The following NUP205 variants were observed in gnomAD, a reference collection of about 807,000 sequenced individuals.
NUP205 encodes nucleoporin 205, also known as nuclear pore complex protein Nup205.
In NUP205, 76 loss-of-function variants were observed where a neutral mutation model predicts 253.8. That is an observed-to-expected ratio of 0.30 (90% CI 0.25 to 0.36). The LOEUF (loss-of-function observed/expected upper bound fraction) is 0.36, where lower values mean the gene tolerates loss of function less well. Ranked by LOEUF, NUP205 falls within the 10% of genes least tolerant of loss-of-function variation. The pLI is 1.00. For missense variants in NUP205, 2,162 were observed against 2,425.5 expected (o/e 0.89, Z 2.28); for synonymous variants, 832 against 850.1 (o/e 0.98, Z 0.37).
intron 37 of NUP205, 69 bp from the exon 38 acceptor site, chr7:135,638,488 A>G (rs1794859578): frequency 1.4e-6 from 2 of 1,409,148 alleles, no homozygotes; most frequent in Non-Finnish European, 2.0e-6. Flanking sequence ...TCTTCTTCAA[A>G]TCTCGATTTT....
At chr7:135,567,311 A>G (rs994024449) in intron 1 of NUP205, among the ~76,000 whole-genome samples, 4 of 147,636 alleles carry the variant, frequency 2.7e-5, no homozygotes, top group African/African-American at 1.0e-4. Context: ...GGCTGGGTGC[A>G]GTGGCTCATG....
chr7:135,623,039 A>T, intron 31 of NUP205, 114 bp downstream of exon 31: 1 of 1,035,792 alleles, frequency 9.7e-7, no homozygotes, highest in Non-Finnish European at 1.4e-6. Flanking sequence ...GTGCTTTCGA[A>T]GGCCAAGGTG....
chr7:135,565,423 G>T (rs745590078), intron 1 of NUP205, among the ~76,000 whole-genome samples: 1 of 150,788 alleles, frequency 6.6e-6, no homozygotes, highest in African/African-American at 2.4e-5. Flanking sequence ...CCTAGTTTAG[G>T]TTCCATTTTC....
Position 135,577,132 on chromosome 7 carries a change from A to G in NUP205, c.648+4A>G. The G allele has an allele frequency of 6.2e-7, 1 of 1,608,060 alleles. No homozygotes were observed. The highest frequency in any genetic ancestry group is 8.5e-7 in the Non-Finnish European group (1 of 1,177,774). ...CAGTGAAAAACATCGCAAAGAGGCA[A>G]GGGTTCAATGAAATCAATTCATGAG... On this transcript the variant is annotated splice_donor_region_variant and intron_variant, in intron 5 of 42. Coordinates refer to ENST00000285968, the MANE Select transcript of NUP205 (RefSeq NM_015135.3).
At chr7:135,600,559 T>G (rs1463472648) in intron 15 of NUP205, among the ~76,000 whole-genome samples, 1 of 152,220 alleles carries the variant, frequency 6.6e-6, no homozygotes, top group Non-Finnish European at 1.5e-5. Context: ...AATTTGATGT[T>G]TAATTATAAA....
intron 38 of NUP205, among the ~76,000 whole-genome samples, chr7:135,641,665 G>A (rs904151725): frequency 2.6e-5 from 4 of 151,976 alleles, no homozygotes; most frequent in African/African-American, 9.7e-5. Flanking sequence ...CTAGCTACTT[G>A]GGAGGCTGAG....
chr7:135,565,781 A>G (rs1805740785), intron 1 of NUP205, among the ~76,000 whole-genome samples: 1 of 152,102 alleles, frequency 6.6e-6, no homozygotes, highest in Non-Finnish European at 1.5e-5. Flanking sequence ...CTAGAACACC[A>G]TTTTCCTACA....
chr7:135,611,457 T>C (rs1006253244), intron 22 of NUP205, among the ~76,000 whole-genome samples: 2 of 152,266 alleles, frequency 1.3e-5, no homozygotes, highest in African/African-American at 4.8e-5. Context: ...CAAAATGGTA[T>C]CAAAACTGTT....
At chr7:135,628,779 G>T (rs1794646369) in intron 34 of NUP205, among the ~76,000 whole-genome samples, 1 of 152,090 alleles carries the variant, frequency 6.6e-6, no homozygotes, top group Admixed American at 6.5e-5. Context: ...TTTGATTTCT[G>T]GTAATTTTTT....
chr7:135,570,052 T>TATATAGAGAG (rs1284263475), intron 1 of NUP205, among the ~76,000 whole-genome samples: 17 of 79,186 alleles, frequency 2.1e-4, no homozygotes, highest in African/African-American at 7.3e-4. Flanking sequence ...TATATATATA[T>TATATAGAGAG]AGAGAGAGAG....
chr7:135,644,255 A>G (rs573574841), intron 39 of NUP205, among the ~76,000 whole-genome samples: 1 of 152,328 alleles, frequency 6.6e-6, no homozygotes, highest in South Asian at 2.1e-4. Context: ...GGGTTTAGGT[A>G]ACCCCTGAAA....
chr7:135,571,184 T>G lies in NUP205; in HGVS notation c.108T>G (p.Val36=). ...TTTGGAGAAGACAACCTGAAGCTGT[T>G]CACCTTCTTGATAAGATTTTGAAGA... ...NALWRRQPEA[V]HLLDKILKKH... Residue 36 remains valine, a synonymous_variant, in exon 2 of 43, where the codon GTT becomes GTG. Transcript: ENST00000285968. 6.7e-7 allele frequency: 1 copy of G among 1,500,564 alleles called. No individual in the cohort carries two copies. 93.0% of individuals were successfully genotyped at this position (1,500,564 alleles called of 1,614,324 possible). A position where few individuals can be genotyped will look rare whatever the true frequency, so the allele number is the denominator to read the frequency against.
At chr7:135,627,748 A>G (rs1794623388) in intron 33 of NUP205, among the ~76,000 whole-genome samples, 1 of 152,178 alleles carries the variant, frequency 6.6e-6, no homozygotes, top group Admixed American at 6.6e-5. Flanking sequence ...TTTCCTCGAT[A>G]AGATTTTTCA....
rs76687708 is a variant in NUP205, at chr7:135,561,719, C to G, written c.28+3747C>G. ...TCTGTCTTCCTATCTAATGTAAATCCCACCCATTGTGTTCTTCACCTGTTA... is the reference window on the plus strand; with the variant it reads ...TCTGTCTTCCTATCTAATGTAAATCGCACCCATTGTGTTCTTCACCTGTTA... On this transcript the variant is annotated intron_variant, in intron 1 of 42. Coordinates refer to ENST00000285968, the MANE Select transcript of NUP205 (RefSeq NM_015135.3). 2.7e-3 allele frequency among the ~76,000 whole-genome samples: 418 copies of G among 152,202 alleles called. 9 individuals are homozygous for G. The East Asian group carries it at 0.049, about 18-fold the overall frequency.
At chr7:135,637,680 A>T (rs558200617) in intron 36 of NUP205, among the ~76,000 whole-genome samples, 6 of 152,280 alleles carry the variant, frequency 3.9e-5, no homozygotes, top group African/African-American at 1.4e-4. Flanking sequence ...TTTGGCAAAC[A>T]TTTAGATGAT....
chr7:135,597,601 TTG>T (rs1185775326), intron 14 of NUP205, 183 bp downstream of exon 14: 1 of 481,224 alleles, frequency 2.1e-6, no homozygotes, highest in Non-Finnish European at 3.6e-6. Context: ...CCAAAATATT[TTG>T]TGTTTCAGAG....
At position 135,584,875 on chromosome 7, in the gene NUP205, C is replaced by G. The variant is rs780296337; in HGVS notation, c.1086C>G (p.Leu362=). 1 of 1,613,930 alleles carries G rather than the reference C, an allele frequency of 6.2e-7. No homozygotes were observed. Among genetic ancestry groups the G allele is most frequent in the Admixed American group, 1.7e-5 (1 of 60,022 alleles). ...FTEADEAMAE[L]AIADNVFLFL... is the part of the protein sequence containing the mutation. ...AGGCAGATGAAGCAATGGCAGAACT[C>G]GCAATTGCTGACAACGTTTTCCTGT... The change falls in exon 8 of 43, where the codon CTC becomes CTG. Residue 362 remains leucine, a synonymous_variant. Coordinates refer to ENST00000285968, the MANE Select transcript of NUP205 (RefSeq NM_015135.3).
Position 135,646,156 on chromosome 7 carries a change from A to G in NUP205, c.5813-2A>G, listed in dbSNP as rs1463596992. 6.2e-7 allele frequency: 1 copy of G among 1,609,944 alleles called. No individual in the cohort carries two copies. ...GGTATGACTCTGTTTTTTTATCTCT[A>G]GATTCCTTCGCCTCAGAAACCAATC... On this transcript the variant is annotated splice_acceptor_variant, in intron 41 of 42. Coordinates refer to ENST00000285968, the MANE Select transcript of NUP205 (RefSeq NM_015135.3). LOFTEE classifies it high-confidence loss of function.
chr7:135,578,503 A>T (rs769772262), intron 6 of NUP205, among the ~76,000 whole-genome samples: 1 of 152,174 alleles, frequency 6.6e-6, no homozygotes, highest in Non-Finnish European at 1.5e-5. Flanking sequence ...GTTTATTTGT[A>T]GTACACTTAT....
Sources: allele counts gnomAD v4.1 joint callset (sites outside exome capture counted in the v4.1 genomes callset), GRCh38; gene constraint gnomAD v4.1.1; transcripts MANE v1.5; gene names NCBI Gene and HGNC (gene_info 2026-07-23, HGNC 2026-07-21).